CATSPERB: variants seen among roughly 807,000 people sequenced by gnomAD.
The protein encoded by CATSPERB is cation channel sperm-associated auxiliary subunit beta.
CATSPERB carries 93 observed loss-of-function variants against 128.3 expected under a neutral mutation model. The ratio of observed to expected loss-of-function variants is 0.72; its 90% CI spans 0.61 to 0.86. The LOEUF (loss-of-function observed/expected upper bound fraction) is 0.86. Ranked by LOEUF, CATSPERB falls within the 40% of genes least tolerant of loss-of-function variation. The pLI, the probability that CATSPERB is intolerant of heterozygous loss-of-function variation, is 0.00. For synonymous variants in CATSPERB, 381 were observed against 448.8 expected, an observed-to-expected ratio of 0.85 and a Z score of 1.91; for missense variants, 1,153 against 1,329.5, an observed-to-expected ratio of 0.87 and a Z score of 2.06.
chr14:91,686,531 C>T (rs28434209), intron 10 of CATSPERB, among the ~76,000 whole-genome samples: 32,474 of 152,048 alleles, frequency 0.21, 3,826 homozygotes, highest in South Asian at 0.41. Flanking sequence ...ACTTTTTCCC[C>T]TCCCTCCACT....
chr14:91,627,835 G>T (rs1894196364), intron 17 of CATSPERB, among the ~76,000 whole-genome samples: 1 of 152,044 alleles, frequency 6.6e-6, no homozygotes, highest in Non-Finnish European at 1.5e-5. Context: ...TAAACTAGCT[G>T]GGTGTGGTGG....
At chr14:91,634,382 C>G (rs142132315) in intron 17 of CATSPERB, among the ~76,000 whole-genome samples, 16 of 152,038 alleles carry the variant, frequency 1.1e-4, no homozygotes, top group African/African-American at 3.6e-4. Context: ...ACAGTTCAAA[C>G]CCATGTTGTT....
intron 23 of CATSPERB, 57 bp downstream of exon 23, chr14:91,591,835 T>G: frequency 8.2e-7 from 1 of 1,214,192 alleles, no homozygotes; most frequent in South Asian, 1.2e-5. Flanking sequence ...AAGGCACATT[T>G]CAAAATCTTG....
chr14:91,666,260 C>T (rs1172494156), intron 14 of CATSPERB, among the ~76,000 whole-genome samples: 1 of 152,234 alleles, frequency 6.6e-6, no homozygotes, highest in East Asian at 1.9e-4. Flanking sequence ...TATCCTTGCC[C>T]TAAGACATTA....
chr14:91,673,569 C>T (rs1018470521), intron 12 of CATSPERB, among the ~76,000 whole-genome samples: 1 of 152,166 alleles, frequency 6.6e-6, no homozygotes, highest in African/African-American at 2.4e-5. Context: ...GTTGCTCTGA[C>T]TGATCACAAT....
chr14:91,702,587 A>G (rs1482245463), intron 7 of CATSPERB, among the ~76,000 whole-genome samples: 1 of 150,886 alleles, frequency 6.6e-6, no homozygotes, highest in Non-Finnish European at 1.5e-5. Context: ...CTCTAAAATT[A>G]TGTTTGTTAT....
At chr14:91,670,687 AAAAG>A (rs1895073384) in intron 13 of CATSPERB, among the ~76,000 whole-genome samples, 1 of 151,420 alleles carries the variant, frequency 6.6e-6, no homozygotes, top group South Asian at 2.1e-4. Context: ...AAAGAAAAAA[AAAAG>A]AGATATGAAA....
rs541773405 is a variant in CATSPERB at position 91,603,227 on chromosome 14, T to C, written c.2709+5067A>G. ...GTGTTTCAATAAAATAGGGCATTCT[T>C]TTCATTGTTTCTCTCAACTCCTGTT... On this transcript the variant is annotated intron_variant, in intron 22 of 26. Coordinates refer to ENST00000256343, the MANE Select transcript of CATSPERB (RefSeq NM_024764.4). 3.4e-5 allele frequency: 30 copies of C among 885,474 alleles called. No homozygotes were observed. In the South Asian group the frequency reaches 3.7e-4, roughly 11 times the overall value. 54.9% of individuals were successfully genotyped at this position (885,474 alleles called of 1,614,324 possible).
chr14:91,604,652 G>C lies in CATSPERB; in HGVS notation c.2709+3642C>G, dbSNP rs1413014820. On this transcript the variant is annotated intron_variant, in intron 22 of 26. Transcript: ENST00000256343. ...CCAGGACTGGGTGCACCAGGTCTGA[G>C]TGTTCCAGGAGTGGTTGCTCCAGGA... The C allele has an allele frequency of 3.1e-6, 5 of 1,612,244 alleles. No individual in the cohort carries two copies. The African/African-American group carries it at 4.0e-5, about 13-fold the overall frequency.
chr14:91,588,232 G>A (rs1180119564), intron 24 of CATSPERB, among the ~76,000 whole-genome samples, 154 bp from the exon 25 acceptor site: 2 of 151,960 alleles, frequency 1.3e-5, no homozygotes, highest in Non-Finnish European at 2.9e-5. Context: ...GCACATTAAG[G>A]TACAATGAAA....
At chr14:91,612,927 T>A (rs1893862885) in intron 20 of CATSPERB, among the ~76,000 whole-genome samples, 2 of 152,076 alleles carry the variant, frequency 1.3e-5, no homozygotes, top group South Asian at 2.1e-4. Context: ...GAAAATGGAG[T>A]AGTAGCTGCC....
intron 15 of CATSPERB, among the ~76,000 whole-genome samples, chr14:91,649,137 C>T (rs1704625): frequency 0.19 from 28,241 of 151,996 alleles, 2,785 homozygotes; most frequent in South Asian, 0.24. Flanking sequence ...CTGGCATATA[C>T]GAGGTACTCA....
At chr14:91,584,524 G>C (rs752984818) in intron 26 of CATSPERB, among the ~76,000 whole-genome samples, 1 of 152,072 alleles carries the variant, frequency 6.6e-6, no homozygotes, top group Non-Finnish European at 1.5e-5. Flanking sequence ...AAGCTTCAAG[G>C]TTCCTGCTGT....
chr14:91,646,448 C>CCAAA (rs1894607489), intron 15 of CATSPERB, among the ~76,000 whole-genome samples: 1 of 152,202 alleles, frequency 6.6e-6, no homozygotes, highest in South Asian at 2.1e-4. Context: ...AAAAAAGCAT[C>CCAAA]CAAAGTAACA....
chr14:91,725,104 C>T lies in CATSPERB; in HGVS notation c.144G>A (p.Lys48=), dbSNP rs1274642790. 2 of 1,585,482 alleles carry T rather than the reference C, an allele frequency of 1.3e-6. No individual in the cohort carries two copies. Among genetic ancestry groups the T allele is most frequent in the African/African-American group, 1.4e-5 (1 of 73,774 alleles). Residue 48 remains lysine, a synonymous_variant, in exon 3 of 27, where the codon AAG becomes AAA. Coordinates refer to ENST00000256343, the MANE Select transcript of CATSPERB (RefSeq NM_024764.4). The stretch of plus-strand genomic sequence containing the variant: ...CCAAGTTTTCTAAGAAAAGATACAA[C>T]TTGATTATTTCATTCTCTTGAGGGA... The part of the protein sequence containing the change: ...KGFPQENEII[K]LYLFLENLKI...
chr14:91,590,463 G>A (rs1384239403), intron 23 of CATSPERB, among the ~76,000 whole-genome samples: 6 of 152,008 alleles, frequency 3.9e-5, no homozygotes, highest in East Asian at 1.9e-4. Context: ...TCCAGGAGGC[G>A]GAGGTTGCGG....
intron 4 of CATSPERB, 64 bp from the exon 5 acceptor site, chr14:91,719,542 A>T: frequency 8.1e-7 from 1 of 1,236,532 alleles, no homozygotes. Flanking sequence ...ATCACATTCT[A>T]TGCTATATTT....
intron 5 of CATSPERB, among the ~76,000 whole-genome samples, chr14:91,716,137 C>A (rs1015885275): frequency 6.6e-6 from 1 of 152,170 alleles, no homozygotes; most frequent in Non-Finnish European, 1.5e-5. Flanking sequence ...GAAAAGACAA[C>A]CCCAGACTGG....
intron 17 of CATSPERB, among the ~76,000 whole-genome samples, chr14:91,627,228 C>T (rs1743138): frequency 0.75 from 113,332 of 151,582 alleles, 42,854 homozygotes; most frequent in East Asian, 0.97. Context: ...TACAAACTTA[C>T]ACTCTGAAAT....
Sources: gnomAD v4.1 joint callset for allele counts (sites outside exome capture counted in the v4.1 genomes callset) on GRCh38, gnomAD v4.1.1 for gene constraint, MANE v1.5 for transcripts, NCBI Gene and HGNC (gene_info 2026-07-23, HGNC 2026-07-21) for gene names.